GAPVD1: variants seen among roughly 807,000 people sequenced by gnomAD.
GAPVD1 encodes the protein GTPase activating protein and VPS9 domains 1.
Under a neutral mutation model 155.5 loss-of-function variants are expected in GAPVD1, and 35 were observed. That is an observed-to-expected ratio of 0.23 (90% CI 0.17 to 0.30). The LOEUF (loss-of-function observed/expected upper bound fraction) is 0.30. Ranked by LOEUF, GAPVD1 falls within the 10% of genes least tolerant of loss-of-function variation. The probability of loss-of-function intolerance (pLI) is 1.00; values close to 1 mark genes in which losing one functional copy is unlikely to be tolerated. For synonymous variants in GAPVD1, 636 were observed against 619.7 expected (o/e 1.03, Z -0.39); for missense variants, 1,429 against 1,775.7 (o/e 0.80, Z 3.51).
chr9:125,309,189 T>G (rs911814683), intron 8 of GAPVD1: 2 of 152,192 alleles, frequency 1.3e-5, no homozygotes, highest in Non-Finnish European at 2.9e-5. Context: ...ACCTTATATT[T>G]AACGTAATGT....
intron 2 of GAPVD1, among the ~76,000 whole-genome samples, chr9:125,283,030 T>TTA (rs1251654478): frequency 7.4e-6 from 1 of 134,460 alleles, no homozygotes; most frequent in Non-Finnish European, 1.6e-5. Flanking sequence ...ATTTTTATTT[T>TTA]TATTTATTTA....
chr9:125,284,232 C>T (rs112662730), intron 2 of GAPVD1, among the ~76,000 whole-genome samples: 67 of 143,290 alleles, frequency 4.7e-4, no homozygotes, highest in African/African-American at 1.7e-3. Flanking sequence ...ACACCCAGGC[C>T]GAAGTGCAGT....
intron 13 of GAPVD1, among the ~76,000 whole-genome samples, chr9:125,331,407 G>T (rs1846058188): frequency 6.6e-6 from 1 of 152,040 alleles, no homozygotes; most frequent in African/African-American, 2.4e-5. Context: ...CACCGTGTTG[G>T]GCATGCTGGT....
At chr9:125,267,766 G>A (rs1387168744) in intron 1 of GAPVD1, among the ~76,000 whole-genome samples, 2 of 150,906 alleles carry the variant, frequency 1.3e-5, no homozygotes, top group Non-Finnish European at 1.5e-5. Context: ...TGTTCCTCAG[G>A]CTGGTCTCAA....
At chr9:125,344,544 C>T (rs937357721) in intron 19 of GAPVD1, among the ~76,000 whole-genome samples, 2 of 151,914 alleles carry the variant, frequency 1.3e-5, no homozygotes, top group Non-Finnish European at 2.9e-5. Flanking sequence ...TTTTTAAGAA[C>T]AGTGTTAATA....
chr9:125,290,242 G>T (rs1469309547), intron 2 of GAPVD1, among the ~76,000 whole-genome samples: 4 of 151,870 alleles, frequency 2.6e-5, no homozygotes, highest in African/African-American at 9.7e-5. Context: ...GAAGTAGAGA[G>T]ATTTCTTTTT....
At chr9:125,278,181 A>G (rs1202188972) in intron 2 of GAPVD1, among the ~76,000 whole-genome samples, 1 of 152,176 alleles carries the variant, frequency 6.6e-6, no homozygotes, top group African/African-American at 2.4e-5. Context: ...ACACTCATCT[A>G]TTGTATGGAT....
chr9:125,349,008 G>A (rs1848925590), intron 20 of GAPVD1, among the ~76,000 whole-genome samples: 2 of 152,218 alleles, frequency 1.3e-5, no homozygotes, highest in African/African-American at 4.8e-5. Context: ...TTTCTGACTG[G>A]GCAGGAGTCC....
At chr9:125,286,475 G>C (rs1837725659) in intron 2 of GAPVD1, among the ~76,000 whole-genome samples, 1 of 145,292 alleles carries the variant, frequency 6.9e-6, no homozygotes, top group South Asian at 2.2e-4. Context: ...TCAAAGTCTA[G>C]TTTTTTTTTT....
rs72767050 is a variant in GAPVD1 at position 125,300,779 on chromosome 9, T to C, written c.186-1204T>C. Among the ~76,000 whole-genome samples, 1,413 of 152,200 alleles carry C rather than the reference T, an allele frequency of 9.3e-3. 19 individuals are homozygous for C. The highest frequency in any genetic ancestry group is 0.013 in the Non-Finnish European group (864 of 68,008). On this transcript the variant is annotated intron_variant, in intron 4 of 27. Transcript: ENST00000297933. ...CTGAACACTTGACATTTGTGCACTTTACTGTATTTTACCTCAATAAAAATG... is the reference window on the plus strand; with the variant it reads ...CTGAACACTTGACATTTGTGCACTTCACTGTATTTTACCTCAATAAAAATG...
chr9:125,337,304 G>A lies in GAPVD1; in HGVS notation c.2590G>A (p.Val864Met), dbSNP rs771893579. 3 of 1,614,108 alleles carry A rather than the reference G, an allele frequency of 1.9e-6. No homozygotes were observed. Among genetic ancestry groups the A allele is most frequent in the Non-Finnish European group, 2.5e-6 (3 of 1,180,040 alleles). ...AGATCCCCCAATCCTGGAAGGAGCTGTGGGAGGAAATGAGGCCAGGTTGCC... is the reference window on the plus strand; with the variant it reads ...AGATCCCCCAATCCTGGAAGGAGCTATGGGAGGAAATGAGGCCAGGTTGCC... ...PPDPPILEGA[V>M]GGNEARLPNF... Residue 864 changes from valine (V) to methionine (M), a missense_variant, in exon 17 of 28, where the codon GTG becomes ATG. Coordinates refer to ENST00000297933, the MANE Select transcript of GAPVD1 (RefSeq NM_001282680.3).
chr9:125,332,957 A>G (rs991395590), intron 15 of GAPVD1, among the ~76,000 whole-genome samples: 1 of 152,252 alleles, frequency 6.6e-6, no homozygotes, highest in East Asian at 1.9e-4. Context: ...GTAACTGCTT[A>G]TTGGAATTTA....
intron 13 of GAPVD1, among the ~76,000 whole-genome samples, chr9:125,331,362 AG>A (rs1846049466): frequency 1.3e-5 from 2 of 151,918 alleles, no homozygotes; most frequent in Admixed American, 6.6e-5. Flanking sequence ...CACCACGCCT[AG>A]CTAGTTTTTG....
chr9:125,279,342 A>G (rs557901785), intron 2 of GAPVD1, among the ~76,000 whole-genome samples: 1 of 151,672 alleles, frequency 6.6e-6, no homozygotes, highest in Non-Finnish European at 1.5e-5. Flanking sequence ...AAGCTGAGGC[A>G]GGTGGATCAC....
At chr9:125,332,476 C>A in intron 14 of GAPVD1, 34 bp from the exon 15 acceptor site, 1 of 1,518,736 alleles carries the variant, frequency 6.6e-7, no homozygotes, top group Non-Finnish European at 8.9e-7. Flanking sequence ...TTTTGTTCTT[C>A]TTCCTGTTTA....
chr9:125,360,494 T>A (rs772166053), intron 26 of GAPVD1, 34 bp from the exon 27 acceptor site: 2 of 1,575,074 alleles, frequency 1.3e-6, no homozygotes, highest in African/African-American at 2.7e-5. Context: ...GCCACTGGAT[T>A]CAGAATCTGT....
At chr9:125,324,732 G>A (rs10986703) in intron 11 of GAPVD1, among the ~76,000 whole-genome samples, 1 of 152,124 alleles carries the variant, frequency 6.6e-6, no homozygotes, top group African/African-American at 2.4e-5. Context: ...GGAAGCCATA[G>A]TACTTTTTCA....
intron 5 of GAPVD1, 85 bp downstream of exon 5, chr9:125,302,911 T>C (rs1418532289): frequency 7.5e-6 from 11 of 1,471,850 alleles, no homozygotes; most frequent in Non-Finnish European, 1.0e-5. Flanking sequence ...AATAATACGA[T>C]GACAGTATTT....
At chr9:125,333,448 T>TTA (rs1846382025) in intron 15 of GAPVD1, among the ~76,000 whole-genome samples, 2 of 151,834 alleles carry the variant, frequency 1.3e-5, no homozygotes, top group South Asian at 4.2e-4. Context: ...AGCAGTGGTT[T>TTA]TATATATTGG....
Sources: allele counts gnomAD v4.1 joint callset (sites outside exome capture counted in the v4.1 genomes callset), GRCh38; gene constraint gnomAD v4.1.1; transcripts MANE v1.5; gene names NCBI Gene and HGNC (gene_info 2026-07-23, HGNC 2026-07-21).